CARMIL3: variants seen among roughly 807,000 people sequenced by gnomAD.
The protein encoded by CARMIL3 is capping protein regulator and myosin 1 linker 3.
CARMIL3 carries 88 observed loss-of-function variants against 180.8 expected under a neutral mutation model. That is an observed-to-expected ratio of 0.49 (90% CI 0.41 to 0.58). The LOEUF is 0.58. Among genes scored for constraint, CARMIL3 ranks in the 20% least tolerant of loss-of-function variants. The pLI is 0.00. For missense variants in CARMIL3, 1,548 were observed against 1,787.0 expected, an observed-to-expected ratio of 0.87 and a Z score of 2.41; for synonymous variants, 696 against 714.5, an observed-to-expected ratio of 0.97 and a Z score of 0.41.
rs2035745574 is a variant in CARMIL3, at chr14:24,062,819, C to T, written c.2679C>T (p.Thr893=). 6.2e-7 allele frequency: 1 copy of T among 1,611,748 alleles called. No homozygotes were observed. ...GCCGGAACCATGACCATGAGGAGAC[C>T]ACAGATGATGAACTTGGGACCAACA... ...GRGRNHDHEE[T]TDDELGTNID... The change falls in exon 29 of 40, where the codon ACC becomes ACT. Residue 893 remains threonine (T), a synonymous_variant. Transcript: ENST00000342740.
chr14:24,063,334 C>A lies in CARMIL3; in HGVS notation c.2780C>A (p.Pro927His), dbSNP rs1178915943. 6.2e-7 allele frequency: 1 copy of A among 1,600,094 alleles called. No individual in the cohort carries two copies. The highest frequency in any genetic ancestry group is 1.7e-5 in the Admixed American group (1 of 59,376). ...GCTGCTGTCTTTGCAGGCGGGAGCC[C>A]TCAGGACATGGAAAGCCAACTGGGG... is the stretch of plus-strand genomic sequence containing the variant. Reference protein sequence around the residue: ...RPVSAFISGSPQDMESQLGNL... With the variant: ...RPVSAFISGSHQDMESQLGNL... Residue 927 changes from proline (P) to histidine (H), a missense_variant, in exon 31 of 40, where the codon CCT becomes CAT. By Grantham distance (77) the Pro-to-His change is moderately conservative. Transcript: ENST00000342740.
Position 24,055,557 on chromosome 14 carries a change from T to C in CARMIL3, c.620T>C (p.Met207Thr), listed in dbSNP as rs1440142469. The C allele has an allele frequency of 1.9e-6, 3 of 1,614,080 alleles. No homozygotes were observed. Among genetic ancestry groups the C allele is most frequent in the Non-Finnish European group, 2.5e-6 (3 of 1,180,014 alleles). ...SHLESRDLAL[M>T]VAALAYNQWF... ...TATCCCCACAGAGACTTGGCCCTAA[T>C]GGTAGCAGCCCTGGCCTACAACCAG... Residue 207 changes from methionine to threonine, a missense_variant, in exon 9 of 40, where the codon ATG becomes ACG. Transcript: ENST00000342740.
chr14:24,056,742 T>C, intron 12 of CARMIL3, 34 bp downstream of exon 12: 1 of 1,598,284 alleles, frequency 6.3e-7, no homozygotes. Context: ...CCTCTGACCC[T>C]ACCCTGGTGC....
chr14:24,054,743 C>G lies in CARMIL3; in HGVS notation c.395C>G (p.Pro132Arg). The change falls in exon 6 of 40, where the codon CCA becomes CGA. Residue 132 changes from proline (P) to arginine (R), a missense_variant. Transcript: ENST00000342740. The surrounding 1 kb of genome is among the most constrained non-coding windows in gnomAD (Gnocchi z 5.1). ...CLIRRGNADTPEGPRDTSPNS... is the reference protein window; with the variant it reads ...CLIRRGNADTREGPRDTSPNS... ...ATCCGGCGTGGAAACGCAGACACCC[C>G]AGAGGGGCCCCGAGATACATCCCCC... The G allele has an allele frequency of 6.2e-7, 1 of 1,614,148 alleles. No individual in the cohort carries two copies. The highest frequency in any genetic ancestry group is 8.5e-7 in the Non-Finnish European group (1 of 1,180,022).
At chr14:24,060,340 T>G in intron 24 of CARMIL3, 85 bp downstream of exon 24, 1 of 1,457,032 alleles carries the variant, frequency 6.9e-7, no homozygotes, top group Non-Finnish European at 9.5e-7. Flanking sequence ...TGGGGGAGCA[T>G]GAAGAGGCAC....
At position 24,061,021 on chromosome 14, in the gene CARMIL3, C is replaced by A; in HGVS notation, c.2285C>A (p.Ala762Asp). The change falls in exon 26 of 40, where the codon GCT becomes GAT. Residue 762 changes from alanine (A) to aspartate (D), a missense_variant. By Grantham distance (126) the Ala-to-Asp change is moderately radical (BLOSUM62 -2). Transcript: ENST00000342740. The surrounding 1 kb of genome is among the most constrained non-coding windows in gnomAD (Gnocchi z 4.1). ...TCAGTAGCAAGTGAGGTGTCCAAAGCTGTGGACAAGGAGCTGCAGGCAAGT... is the reference window on the plus strand; with the variant it reads ...TCAGTAGCAAGTGAGGTGTCCAAAGATGTGGACAAGGAGCTGCAGGCAAGT... ...LESVASEVSK[A>D]VDKELQVILE... The A allele has an allele frequency of 6.4e-7, 1 of 1,551,668 alleles. No homozygotes were observed.
At chr14:24,067,106 C>T (rs1352680564) in intron 36 of CARMIL3, among the ~76,000 whole-genome samples, 2 of 152,238 alleles carry the variant, frequency 1.3e-5, no homozygotes, top group African/African-American at 2.4e-5. Context: ...CCTCAGCTCA[C>T]GCAGAAAGGT....
In CARMIL3 at chr14:24,068,705, G is replaced by A; in HGVS notation, c.3801+3G>A. 6.2e-7 allele frequency: 1 copy of A among 1,613,468 alleles called. No homozygotes were observed. The highest frequency in any genetic ancestry group is 8.5e-7 in the Non-Finnish European group (1 of 1,179,652). Reference sequence around the variant, plus strand: ...CACTTCCAGCTAGGAATGCCAAGGTGAGAGCTGGCAAGATGGGTGGGGGAG... The same window carrying A: ...CACTTCCAGCTAGGAATGCCAAGGTAAGAGCTGGCAAGATGGGTGGGGGAG... On this transcript the variant is annotated splice_donor_region_variant and intron_variant, in intron 37 of 39. Transcript: ENST00000342740.
rs753249653 is a variant in CARMIL3, at chr14:24,063,166, C to A, written c.2753C>A (p.Pro918Gln). Reference protein sequence around the residue: ...KKQKRCRKIRPVSAFISGSPQ... With the variant: ...KKQKRCRKIRQVSAFISGSPQ... ...CAGAAACGCTGCCGCAAGATTCGGCCGGTGTCTGCCTTCATCAGTGAGTCT... is the reference window on the plus strand; with the variant it reads ...CAGAAACGCTGCCGCAAGATTCGGCAGGTGTCTGCCTTCATCAGTGAGTCT... Residue 918 changes from proline to glutamine, a missense_variant, in exon 30 of 40, where the codon CCG becomes CAG. Physicochemically the swap from Pro to Gln is moderately conservative, Grantham distance 76. Coordinates refer to ENST00000342740, the MANE Select transcript of CARMIL3 (RefSeq NM_138360.4). The A allele has an allele frequency of 6.2e-7, 1 of 1,613,098 alleles. No homozygotes were observed. Among genetic ancestry groups the A allele is most frequent in the Non-Finnish European group, 8.5e-7 (1 of 1,179,248 alleles).
chr14:24,064,141 T>A, intron 31 of CARMIL3, 105 bp from the exon 32 acceptor site: 4 of 667,158 alleles, frequency 6.0e-6, no homozygotes, highest in East Asian at 3.2e-5. Context: ...AACTGAAGTC[T>A]ACATTTCCAT....
chr14:24,068,443 C>A, intron 36 of CARMIL3, 141 bp from the exon 37 acceptor site: 4 of 578,840 alleles, frequency 6.9e-6, no homozygotes, highest in South Asian at 3.1e-5. Context: ...AAAAAAGGCA[C>A]ATGAAAGGCA....
At chr14:24,056,566 C>T (rs1594548182) in intron 11 of CARMIL3, 56 bp from the exon 12 acceptor site, 1 of 1,577,498 alleles carries the variant, frequency 6.3e-7, no homozygotes, top group East Asian at 2.2e-5. Flanking sequence ...GACTCTGTGC[C>T]ACCTGCACCC....
At chr14:24,065,580 C>CA in intron 33 of CARMIL3, 42 bp from the exon 34 acceptor site, 1 of 1,568,088 alleles carries the variant, frequency 6.4e-7, no homozygotes, top group East Asian at 2.3e-5. Flanking sequence ...GGGGAGCCCC[C>CA]TTCGACTGGG....
At chr14:24,064,438 ACAG>A in intron 32 of CARMIL3, 92 bp downstream of exon 32, 2 of 907,616 alleles carry the variant, frequency 2.2e-6, no homozygotes, top group Non-Finnish European at 3.5e-6. Flanking sequence ...AGTCTCCATA[ACAG>A]CAGTGCCCAA....
rs766417725 is a variant in CARMIL3, at chr14:24,065,072, G to A, written c.3195G>A (p.Lys1065=). 6.3e-7 allele frequency: 1 copy of A among 1,593,532 alleles called. No homozygotes were observed. The highest frequency in any genetic ancestry group is 8.5e-7 in the Non-Finnish European group (1 of 1,172,318). Residue 1065 remains lysine (K), a synonymous_variant, in exon 33 of 40, where the codon AAG becomes AAA. Transcript: ENST00000342740. ...LFHFRRPRSF[K]GDRGPGSPTT... ...ACTTTCGCCGGCCCCGGAGCTTCAAGGGGGACAGGGGGCCGGGGTCCCCTA... is the reference window on the plus strand; with the variant it reads ...ACTTTCGCCGGCCCCGGAGCTTCAAAGGGGACAGGGGGCCGGGGTCCCCTA...
chr14:24,056,922 G>A lies in CARMIL3; in HGVS notation c.960G>A (p.Gln320=), dbSNP rs998428853. 6 of 1,613,860 alleles carry A rather than the reference G, an allele frequency of 3.7e-6. No homozygotes were observed. The Admixed American group carries it at 8.3e-5, about 22-fold the overall frequency. The change falls in exon 13 of 40, where the codon CAG becomes CAA. Residue 320 remains glutamine, a synonymous_variant. Transcript: ENST00000342740. ...AGTGCCCGCTGTGCTCAGGGCTCCA[G>A]GCACTCGGCCAGACCTTCGGGGCAA... ...AKTAISPRGL[Q]ALGQTFGANP...
intron 10 of CARMIL3, among the ~76,000 whole-genome samples, chr14:24,056,005 A>G (rs577303181): frequency 5.3e-5 from 8 of 152,288 alleles, no homozygotes; most frequent in African/African-American, 1.7e-4. Flanking sequence ...GCCTTTCCCC[A>G]GGATGTTCCA....
chr14:24,066,849 T>C (rs2035792035), intron 36 of CARMIL3, among the ~76,000 whole-genome samples, 193 bp downstream of exon 36: 1 of 152,224 alleles, frequency 6.6e-6, no homozygotes, highest in African/African-American at 2.4e-5. Context: ...AAAGAAAGCT[T>C]CTACAGAACA....
intron 36 of CARMIL3, among the ~76,000 whole-genome samples, chr14:24,068,005 C>G (rs1026495071): frequency 1.3e-5 from 2 of 152,266 alleles, no homozygotes; most frequent in African/African-American, 4.8e-5. Flanking sequence ...AGGGGTTGGG[C>G]ACTGCTCTGC....
Sources: gnomAD v4.1 joint callset for allele counts (sites outside exome capture counted in the v4.1 genomes callset) on GRCh38, gnomAD v4.1.1 for gene constraint, Gnocchi (gnomAD v3.1) non-coding constraint, MANE v1.5 for transcripts, NCBI Gene and HGNC (gene_info 2026-07-23, HGNC 2026-07-21) for gene names.